The following RYR1 variants were observed in gnomAD, a reference collection of about 807,000 sequenced individuals.
The protein encoded by RYR1 is ryanodine receptor 1.
In RYR1, 342 loss-of-function variants were observed where a neutral mutation model predicts 583.5. That is an observed-to-expected ratio of 0.59 (90% CI 0.54 to 0.64). The LOEUF (loss-of-function observed/expected upper bound fraction) is 0.64, where lower values mean the gene tolerates loss of function less well. RYR1 is among the 30% of genes least tolerant of loss of function. The pLI, the probability that RYR1 is intolerant of heterozygous loss-of-function variation, is 0.00. For synonymous variants in RYR1, 2,791 were observed against 2,822.5 expected (o/e 0.99, Z 0.35); for missense variants, 6,032 against 6,917.2 (o/e 0.87, Z 4.54).
rs794728692 is a variant in RYR1 at position 38,565,181 on chromosome 19, G to A, written c.12847G>A (p.Glu4283Lys). 29 of 1,160,526 alleles carry A rather than the reference G, an allele frequency of 2.5e-5. No homozygotes were observed. The Admixed American group carries it at 1.4e-3, about 55-fold the overall frequency. 71.9% of individuals were successfully genotyped at this position (1,160,526 alleles called of 1,614,324 possible). A position where few individuals can be genotyped will look rare whatever the true frequency, so the allele number is the denominator to read the frequency against. The change falls in exon 91 of 106, where the codon GAG (glutamate) becomes AAG (lysine). Residue 4283 changes from glutamate to lysine, a missense_variant. Transcript: ENST00000359596. The surrounding 1 kb of genome is among the most constrained non-coding windows in gnomAD (Gnocchi z 4.7). The stretch of plus-strand genomic sequence containing the variant: ...CGCGGAGGAGGGCGCGGCGGGGCTC[G>A]AGGGCACGGCGGCCACGGCGGCGGC... Reference protein sequence around the residue: ...EGAEEGAAGLEGTAATAAAGA... With the variant: ...EGAEEGAAGLKGTAATAAAGA...
chr19:38,467,762 G>C lies in RYR1; in HGVS notation c.3331G>C (p.Asp1111His), dbSNP rs1968187377. The change falls in exon 25 of 106, where the codon GAT becomes CAT. Residue 1111 changes from aspartate to histidine, a missense_variant. By Grantham distance (81) the Asp-to-His change is moderately conservative. Around this residue, in one of 11 missense-constraint regions of RYR1, gnomAD observed 2,627 missense variants for 2,961.3 expected, o/e 0.89. Transcript: ENST00000359596. The stretch of plus-strand genomic sequence containing the variant: ...CTGGGCGAGGCCCGAGCTGAGGCCT[G>C]ATGTAGAGCTGGGAGCTGACGAGCT... The part of the protein sequence containing the change: ...VGWARPELRP[D>H]VELGADELAY... The C allele has an allele frequency of 1.2e-6, 2 of 1,614,082 alleles. No homozygotes were observed. The highest frequency in any genetic ancestry group is 1.7e-5 in the Admixed American group (1 of 59,998).
intron 60 of RYR1, among the ~76,000 whole-genome samples, chr19:38,511,294 TAAA>T (rs970932482): frequency 2.6e-5 from 4 of 151,638 alleles, no homozygotes; most frequent in Non-Finnish European, 5.9e-5. Context: ...AGACCCTGTC[TAAA>T]AAAAATAAAC....
chr19:38,452,884 T>C lies in RYR1; in HGVS notation c.1310T>C (p.Ile437Thr). 6.2e-7 allele frequency: 1 copy of C among 1,612,192 alleles called. No individual in the cohort carries two copies. Among genetic ancestry groups the C allele is most frequent in the Non-Finnish European group, 8.5e-7 (1 of 1,179,184 alleles). Residue 437 changes from isoleucine (I) to threonine (T), a missense_variant, in exon 13 of 106, where the codon ATC (isoleucine) becomes ACC (threonine). Coordinates refer to ENST00000359596, the MANE Select transcript of RYR1 (RefSeq NM_000540.3). ...SGPPAGTALP[I>T]EGVILSLQDL... Reference sequence around the variant, plus strand: ...CCACCCGCTGGCACGGCGCTGCCCATCGAGGGCGTTATCCTGAGCCTGCAG... The same window carrying C: ...CCACCCGCTGGCACGGCGCTGCCCACCGAGGGCGTTATCCTGAGCCTGCAG...
In RYR1 at chr19:38,505,365, C is replaced by T. The variant is rs1227205965; in HGVS notation, c.8367C>T (p.Pro2789=). The change falls in exon 53 of 106, where the codon CCC becomes CCT. Residue 2789 remains proline, a synonymous_variant. Transcript: ENST00000359596. ...ENIDEELKTH[P]MLRPYKTFSE... is the part of the protein sequence containing the mutation. Reference sequence around the variant, plus strand: ...TAGACGAGGAGCTGAAGACCCACCCCATGCTGAGGCCCTACAAGACCTTTT... The same window carrying T: ...TAGACGAGGAGCTGAAGACCCACCCTATGCTGAGGCCCTACAAGACCTTTT... 14 of 1,612,220 alleles carry T rather than the reference C, an allele frequency of 8.7e-6. No homozygotes were observed. In the East Asian group the frequency reaches 1.6e-4, roughly 18 times the overall value.
rs552528384 is a variant in RYR1 at position 38,454,543 on chromosome 19, C to T, written c.1441-692C>T. 3.3e-5 allele frequency among the ~76,000 whole-genome samples: 5 copies of T among 152,212 alleles called. No homozygotes were observed. In the East Asian group the frequency reaches 7.7e-4, roughly 23 times the overall value. Reference sequence around the variant, plus strand: ...TGACTCAACAATATATATTAAATAACTGTCTTTAAACAGAAACATAAAAAA... The same window carrying T: ...TGACTCAACAATATATATTAAATAATTGTCTTTAAACAGAAACATAAAAAA... On this transcript the variant is annotated intron_variant, in intron 13 of 105. Transcript: ENST00000359596.
At chr19:38,468,762 T>C (rs963527399) in intron 25 of RYR1, among the ~76,000 whole-genome samples, 9 of 152,152 alleles carry the variant, frequency 5.9e-5, no homozygotes, top group South Asian at 2.1e-4. Context: ...ACACAGAGAT[T>C]AGTGGGGAGA....
At position 38,579,424 on chromosome 19, in the gene RYR1, CAA is replaced by C. The variant is rs556139705; in HGVS notation, c.14365-540_14365-539del. Among the ~76,000 whole-genome samples the C allele has an allele frequency of 6.0e-3, 660 of 110,722 alleles. 6 individuals carry two copies. Among genetic ancestry groups the C allele is most frequent in the African/African-American group, 0.018 (539 of 29,870 alleles). 72.6% of individuals were successfully genotyped at this position (110,722 alleles called of 152,430 possible). On this transcript the variant is annotated intron_variant, in intron 99 of 105. Coordinates refer to ENST00000359596, the MANE Select transcript of RYR1 (RefSeq NM_000540.3). ...TGGGCAACAGACTAAGACTCCATCT[CAA>C]AAAAAAAAAAAAAAAAATTAGCTGG...
chr19:38,467,991 G>A (rs1265005839), intron 25 of RYR1, 179 bp downstream of exon 25: 3 of 632,544 alleles, frequency 4.7e-6, no homozygotes, highest in Admixed American at 4.7e-5. Context: ...TCCATCCATC[G>A]ATCTATCAGA....
chr19:38,539,965 T>C (rs969210024), intron 84 of RYR1, among the ~76,000 whole-genome samples: 4 of 152,190 alleles, frequency 2.6e-5, no homozygotes, highest in Admixed American at 2.6e-4. Flanking sequence ...GCAGGGTTGA[T>C]GGGAAAACCT....
chr19:38,527,051 A>T lies in RYR1; in HGVS notation c.10685A>T (p.Lys3562Met). ...CACAACAACCTTCACCTTCAGGGAA[A>T]GGTATGCCTCCTTCCTCTGCAAGCA... ...FLHNNLHLQG[K>M]VEGSPSLRWQ... The change falls in exon 72 of 106, where the codon AAG (lysine) becomes ATG (methionine). Residue 3562 changes from lysine (K) to methionine (M), a missense_variant and splice_region_variant. Around this residue, in one of 11 missense-constraint regions of RYR1, gnomAD observed 1,493 missense variants for 1,715.5 expected, o/e 0.87. Transcript: ENST00000359596. The T allele has an allele frequency of 6.2e-7, 1 of 1,613,940 alleles. No individual in the cohort carries two copies. Among genetic ancestry groups the T allele is most frequent in the Non-Finnish European group, 8.5e-7 (1 of 1,179,880 alleles).
rs141942845 is a variant in RYR1 at position 38,466,315 on chromosome 19, G to A, written c.3095G>A (p.Arg1032His). 354 of 1,608,240 alleles carry A rather than the reference G, an allele frequency of 2.2e-4. No homozygotes were observed. The highest frequency in any genetic ancestry group is 3.4e-4 in the Middle Eastern group (2 of 5,910). ...PYRLLDEATK[R>H]SNRDSLCQAV... ...CGCCTGCTGGATGAAGCCACCAAGC[G>A]CAGCAACCGGGACAGCCTCTGCCAG... Residue 1032 changes from arginine to histidine, a missense_variant, in exon 24 of 106, where the codon CGC becomes CAC. Arg to His is a conservative substitution (Grantham distance 29). Around this residue, in one of 11 missense-constraint regions of RYR1, gnomAD observed 2,627 missense variants for 2,961.3 expected, o/e 0.89. Coordinates refer to ENST00000359596, the MANE Select transcript of RYR1 (RefSeq NM_000540.3).
intron 37 of RYR1, 106 bp downstream of exon 37, chr19:38,490,838 T>C (rs1969521320): frequency 1.3e-6 from 1 of 753,806 alleles, no homozygotes; most frequent in Non-Finnish European, 2.4e-6. Flanking sequence ...ATCGGTGCTA[T>C]GTAACTATTG....
rs376909404 is a variant in RYR1 at position 38,519,356 on chromosome 19, C to G, written c.10161C>G (p.Ala3387=). ...TGCGCCTGGAGGCCAAGGCGGAGGCCCAGGAGGGCGAGCTGCTGGTGCGGG... is the reference window on the plus strand; with the variant it reads ...TGCGCCTGGAGGCCAAGGCGGAGGCGCAGGAGGGCGAGCTGCTGGTGCGGG... ...EQLRLEAKAE[A]QEGELLVRDE... is the part of the protein sequence containing the mutation. The change falls in exon 67 of 106, where the codon GCC becomes GCG. Residue 3387 remains alanine, a synonymous_variant. Coordinates refer to ENST00000359596, the MANE Select transcript of RYR1 (RefSeq NM_000540.3). 15 of 1,611,322 alleles carry G rather than the reference C, an allele frequency of 9.3e-6. No individual in the cohort carries two copies. Among genetic ancestry groups the G allele is most frequent in the Admixed American group, 1.7e-5 (1 of 59,488 alleles).
At position 38,545,762 on chromosome 19, in the gene RYR1, G is replaced by A. The variant is rs146550838; in HGVS notation, c.12013-683G>A. On this transcript the variant is annotated intron_variant, in intron 87 of 105. Coordinates refer to ENST00000359596, the MANE Select transcript of RYR1 (RefSeq NM_000540.3). Reference sequence around the variant, plus strand: ...GGAGGCAGAAGTTGCAGTGAGCCGAGATTGCGCCATTACATTCCGGCCTGG... The same window carrying A: ...GGAGGCAGAAGTTGCAGTGAGCCGAAATTGCGCCATTACATTCCGGCCTGG... Among the ~76,000 whole-genome samples the A allele has an allele frequency of 8.9e-3, 1,359 of 152,250 alleles. 39 individuals carry two copies. The highest frequency in any genetic ancestry group is 0.077 in the East Asian group (396 of 5,170).
intron 90 of RYR1, among the ~76,000 whole-genome samples, chr19:38,564,442 G>A (rs148112224): frequency 6.0e-4 from 91 of 152,282 alleles, no homozygotes; most frequent in African/African-American, 2.1e-3. Context: ...TGGGGATCAT[G>A]TGAACCCTGG....
rs1313079558 is a variant in RYR1 at position 38,500,164 on chromosome 19, C to T, written c.7323+148C>T. On this transcript the variant is annotated intron_variant, in intron 45 of 105. Coordinates refer to ENST00000359596, the MANE Select transcript of RYR1 (RefSeq NM_000540.3). The surrounding 1 kb of genome is among the most constrained non-coding windows in gnomAD (Gnocchi z 5.9). ...GTTGGGGACACAACAGTGACCAAGA[C>T]AGCCCCAGGGCCTGGTCTCACAGAG... 4 of 766,140 alleles carry T rather than the reference C, an allele frequency of 5.2e-6. No homozygotes were observed. Among genetic ancestry groups the T allele is most frequent in the East Asian group, 5.3e-5 (2 of 37,426 alleles). 47.5% of individuals were successfully genotyped at this position (766,140 alleles called of 1,614,324 possible). A position where few individuals can be genotyped will look rare whatever the true frequency, so the allele number is the denominator to read the frequency against.
At chr19:38,525,876 C>T (rs759767629) in intron 71 of RYR1, among the ~76,000 whole-genome samples, 1 of 151,624 alleles carries the variant, frequency 6.6e-6, no homozygotes, top group Non-Finnish European at 1.5e-5. Flanking sequence ...ATCCTCTGAA[C>T]CCTCCACCAA....
chr19:38,434,923 T>C (rs1972359673), intron 1 of RYR1, among the ~76,000 whole-genome samples: 1 of 152,106 alleles, frequency 6.6e-6, no homozygotes, highest in Non-Finnish European at 1.5e-5. Context: ...TCCGGTTTCC[T>C]GGGAGAGAGG....
chr19:38,565,624 GCC>G lies in RYR1; in HGVS notation c.13291_13292del (p.Pro4431GlyfsTer151). On this transcript the variant is annotated frameshift_variant, in exon 91 of 106. Transcript: ENST00000359596. LOFTEE classifies it high-confidence loss of function. The surrounding 1 kb of genome is among the most constrained non-coding windows in gnomAD (Gnocchi z 4.7). ...DEEEAVHEAG[P>X]GGADGAVAVT... ...AGGAGGAGGCGGTGCACGAGGCCGG[GCC>G]GGGCGGTGCCGACGGGGCGGTGGCC... The G allele has an allele frequency of 7.1e-7, 1 of 1,405,742 alleles. No individual in the cohort carries two copies. The highest frequency in any genetic ancestry group is 9.2e-7 in the Non-Finnish European group (1 of 1,090,528). The allele number at this position is 1,405,742 out of a possible 1,614,324, so 87.1% of individuals were successfully genotyped here.
Sources: gnomAD v4.1 joint callset for allele counts (sites outside exome capture counted in the v4.1 genomes callset) on GRCh38, gnomAD v4.1.1 for gene constraint, gnomAD v4.1.1 regional missense constraint, Gnocchi (gnomAD v3.1) non-coding constraint, MANE v1.5 for transcripts, NCBI Gene and HGNC (gene_info 2026-07-23, HGNC 2026-07-21) for gene names.